Variants in RBMS3 observed in about 807,000 individuals in gnomAD.
RBMS3 encodes RNA binding motif single stranded interacting protein 3.
A neutral mutation model predicts 66.8 loss-of-function variants in RBMS3; 27 were observed. The ratio of observed to expected loss-of-function variants is 0.40; its 90% CI spans 0.30 to 0.56. RBMS3 has a LOEUF of 0.56. Ranked by LOEUF, RBMS3 falls within the 20% of genes least tolerant of loss-of-function variation. The pLI, the probability that RBMS3 is intolerant of heterozygous loss-of-function variation, is 0.40. For synonymous variants in RBMS3, 188 were observed against 183.0 expected, an observed-to-expected ratio of 1.03 and a Z score of -0.22; for missense variants, 513 against 549.5, an observed-to-expected ratio of 0.93 and a Z score of 0.66.
chr3:29,537,177 A>G (rs1014175519), intron 3 of RBMS3, among the ~76,000 whole-genome samples: 2 of 152,110 alleles, frequency 1.3e-5, no homozygotes, highest in Admixed American at 6.6e-5. Context: ...TAAAAAAGGT[A>G]AAACTGACAC....
At chr3:29,584,771 C>G (rs942144548) in intron 3 of RBMS3, among the ~76,000 whole-genome samples, 3 of 152,086 alleles carry the variant, frequency 2.0e-5, no homozygotes, top group Admixed American at 1.3e-4. Context: ...AAATATAACT[C>G]AAAGCATCCA....
chr3:29,580,060 T>C (rs1267331002), intron 3 of RBMS3, among the ~76,000 whole-genome samples: 3 of 152,240 alleles, frequency 2.0e-5, no homozygotes, highest in Admixed American at 1.3e-4. Flanking sequence ...ATAAATGGAA[T>C]GAGAAAGTGT....
Position 29,543,884 on chromosome 3 carries a change from A to T in RBMS3, c.308-43230A>T, listed in dbSNP as rs1304208295. ...CTAGAATAGTTGTAATATTCTTTAA[A>T]ATAGAAAATATAATTATTGGGATAA... On this transcript the variant is annotated intron_variant, in intron 3 of 14. Coordinates refer to ENST00000383767, the MANE Select transcript of RBMS3 (RefSeq NM_001003793.3). Among the ~76,000 whole-genome samples the T allele has an allele frequency of 3.3e-5, 5 of 152,138 alleles. No individual in the cohort carries two copies. In the East Asian group the frequency reaches 9.6e-4, roughly 29 times the overall value.
rs949056308 is a variant in RBMS3, at chr3:29,363,188, C to T, written c.76-71555C>T. Among the ~76,000 whole-genome samples, 16 of 152,256 alleles carry T rather than the reference C, an allele frequency of 1.1e-4. No homozygotes were observed. The South Asian group carries it at 1.7e-3, about 16-fold the overall frequency. On this transcript the variant is annotated intron_variant, in intron 1 of 14. Transcript: ENST00000383767. ...TGCCTTATTACAATCCTTCAGGAGACTTAGTGTGTTATTCAGAAAGTTGGA... is the reference window on the plus strand; with the variant it reads ...TGCCTTATTACAATCCTTCAGGAGATTTAGTGTGTTATTCAGAAAGTTGGA...
At chr3:29,538,778 C>T (rs1402815256) in intron 3 of RBMS3, among the ~76,000 whole-genome samples, 3 of 152,172 alleles carry the variant, frequency 2.0e-5, no homozygotes, top group South Asian at 2.1e-4. Context: ...CAGGCAGTAT[C>T]GTGTCAAGCC....
intron 6 of RBMS3, among the ~76,000 whole-genome samples, chr3:29,836,975 T>C (rs1294699819): frequency 1.3e-5 from 2 of 152,068 alleles, no homozygotes; most frequent in Non-Finnish European, 2.9e-5. Flanking sequence ...TCTCATGACC[T>C]CCAGATGGTG....
chr3:29,503,079 G>T (rs1290325955), intron 3 of RBMS3, among the ~76,000 whole-genome samples: 1 of 151,822 alleles, frequency 6.6e-6, no homozygotes, highest in Non-Finnish European at 1.5e-5. Context: ...AATGTTTGGG[G>T]GTCATTATCT....
At chr3:29,449,773 T>C (rs1382275678) in intron 2 of RBMS3, among the ~76,000 whole-genome samples, 2 of 152,196 alleles carry the variant, frequency 1.3e-5, no homozygotes, top group African/African-American at 2.4e-5. Context: ...TATCCCAACA[T>C]ACTTCAAAAA....
chr3:29,488,247 C>T (rs1029915632), intron 2 of RBMS3, among the ~76,000 whole-genome samples, 194 bp from the exon 3 acceptor site: 61 of 152,268 alleles, frequency 4.0e-4, no homozygotes, highest in African/African-American at 1.4e-3. Flanking sequence ...CCATTGCTTA[C>T]ATAGGGAAGA....
intron 6 of RBMS3, among the ~76,000 whole-genome samples, chr3:29,780,157 G>T (rs2056578212): frequency 6.6e-6 from 1 of 151,810 alleles, no homozygotes; most frequent in African/African-American, 2.4e-5. Flanking sequence ...CTATATGCTT[G>T]ACTTTAAATT....
intron 4 of RBMS3, among the ~76,000 whole-genome samples, chr3:29,662,396 G>A (rs79574069): frequency 0.043 from 6,530 of 152,132 alleles, 242 homozygotes; most frequent in African/African-American, 0.092. Flanking sequence ...AATATTTTTC[G>A]AAAATTGAGC....
Position 29,601,598 on chromosome 3 carries a change from A to G in RBMS3, c.399+14393A>G, listed in dbSNP as rs914560742. Among the ~76,000 whole-genome samples the G allele has an allele frequency of 4.6e-5, 7 of 152,152 alleles. No homozygotes were observed. In the South Asian group the frequency reaches 1.0e-3, roughly 23 times the overall value. On this transcript the variant is annotated intron_variant, in intron 4 of 14. Coordinates refer to ENST00000383767, the MANE Select transcript of RBMS3 (RefSeq NM_001003793.3). Reference sequence around the variant, plus strand: ...GGACTTGTGTTTGCCTTAATAAAATATTGCCAATAATCCTCGAGTATTAAA... The same window carrying G: ...GGACTTGTGTTTGCCTTAATAAAATGTTGCCAATAATCCTCGAGTATTAAA...
rs992639774 is a variant in RBMS3, at chr3:29,418,195, A to T, written c.76-16548A>T. Among the ~76,000 whole-genome samples the T allele has an allele frequency of 3.3e-5, 5 of 152,188 alleles. 1 individual carries two copies. Among genetic ancestry groups the T allele is most frequent in the Non-Finnish European group, 7.4e-5 (5 of 68,004 alleles). ...TTTGACCTGCTGGGATGTGATAAGAAGTTCAAAGTAAATGGAACACACTAG... is the reference window on the plus strand; with the variant it reads ...TTTGACCTGCTGGGATGTGATAAGATGTTCAAAGTAAATGGAACACACTAG... On this transcript the variant is annotated intron_variant, in intron 1 of 14. Coordinates refer to ENST00000383767, the MANE Select transcript of RBMS3 (RefSeq NM_001003793.3).
chr3:29,789,811 A>G (rs2056941556), intron 6 of RBMS3, among the ~76,000 whole-genome samples: 1 of 152,182 alleles, frequency 6.6e-6, no homozygotes, highest in South Asian at 2.1e-4. Flanking sequence ...AGTGAGAGGA[A>G]CATATGATTT....
At chr3:29,412,259 C>T (rs962971185) in intron 1 of RBMS3, among the ~76,000 whole-genome samples, 8 of 152,208 alleles carry the variant, frequency 5.3e-5, no homozygotes, top group African/African-American at 1.2e-4. Flanking sequence ...CAGTGATGAA[C>T]GAATACATTT....
rs947147239 is a variant in RBMS3, at chr3:30,006,336, A to G, written c.*2474A>G. ...GTAAACTCTGGTTCTCTTATTTGCAACCCCATGCACTGGAAGCCCAAATCA... is the reference window on the plus strand; with the variant it reads ...GTAAACTCTGGTTCTCTTATTTGCAGCCCCATGCACTGGAAGCCCAAATCA... On this transcript the variant is annotated 3_prime_UTR_variant, in exon 15 of 15. Coordinates refer to ENST00000383767, the MANE Select transcript of RBMS3 (RefSeq NM_001003793.3). 3 of 151,828 alleles carry G rather than the reference A, an allele frequency of 2.0e-5. No homozygotes were observed. The highest frequency in any genetic ancestry group is 7.2e-5 in the African/African-American group (3 of 41,380). The allele number at this position is 151,828 out of a possible 1,614,324, so 9.4% of individuals were successfully genotyped here. A position where few individuals can be genotyped will look rare whatever the true frequency, so the allele number is the denominator to read the frequency against.
chr3:29,533,972 G>T (rs1530057), intron 3 of RBMS3, among the ~76,000 whole-genome samples: 6,990 of 152,202 alleles, frequency 0.046, 208 homozygotes, highest in South Asian at 0.1. Flanking sequence ...TCCTAAATCC[G>T]CTGCATGTTC....
intron 4 of RBMS3, among the ~76,000 whole-genome samples, chr3:29,721,062 A>G (rs2053622696): frequency 6.6e-6 from 1 of 152,236 alleles, no homozygotes; most frequent in Non-Finnish European, 1.5e-5. Flanking sequence ...GTTGCAGCAG[A>G]TACTAGCAGA....
chr3:29,483,135 C>T (rs542917917), intron 2 of RBMS3, among the ~76,000 whole-genome samples: 1 of 90,630 alleles, frequency 1.1e-5, no homozygotes, highest in Non-Finnish European at 2.1e-5. Context: ...GAAACCCTGT[C>T]TCTACTAAAA....
Sources: gnomAD v4.1 joint callset for allele counts (sites outside exome capture counted in the v4.1 genomes callset) on GRCh38, gnomAD v4.1.1 for gene constraint, MANE v1.5 for transcripts, NCBI Gene and HGNC (gene_info 2026-07-23, HGNC 2026-07-21) for gene names.